CEP126: variants seen among roughly 807,000 people sequenced by gnomAD.
CEP126 encodes the protein centrosomal protein 126, also known as centrosomal protein of 126 kDa.
Under a neutral mutation model 107.8 loss-of-function variants are expected in CEP126, and 74 were observed. The observed-to-expected ratio is 0.69, with a 90% CI of 0.57 to 0.83. The LOEUF (loss-of-function observed/expected upper bound fraction) is 0.83, where lower values mean the gene tolerates loss of function less well. Among genes scored for constraint, CEP126 ranks in the 40% least tolerant of loss-of-function variants. The pLI, the probability that CEP126 is intolerant of heterozygous loss-of-function variation, is 0.00. For missense variants in CEP126, 1,237 were observed against 1,281.9 expected (o/e 0.96, Z 0.53); for synonymous variants, 449 against 446.0 (o/e 1.01, Z -0.08).
chr11:101,956,459 G>C (rs535993778), intron 4 of CEP126: 3 of 456,462 alleles, frequency 6.6e-6, no homozygotes, highest in East Asian at 1.4e-4. Flanking sequence ...AAATCAGCCC[G>C]AGGCCTTTGC....
intron 3 of CEP126, 74 bp from the exon 4 acceptor site, chr11:101,947,957 C>T: frequency 6.9e-6 from 4 of 582,340 alleles, no homozygotes; most frequent in South Asian, 4.5e-5. Context: ...TATCATTAAC[C>T]AATTAAATTA....
intron 1 of CEP126, among the ~76,000 whole-genome samples, chr11:101,921,346 C>T (rs527911897): frequency 3.3e-5 from 5 of 152,170 alleles, no homozygotes; most frequent in African/African-American, 1.2e-4. Flanking sequence ...TAGTAAAATA[C>T]AATCTTCTTA....
At position 101,999,659 on chromosome 11, in the gene CEP126, G is replaced by A. The variant is rs1053712090; in HGVS notation, c.*2016G>A. The A allele has an allele frequency of 1.3e-5, 2 of 152,136 alleles. No individual in the cohort carries two copies. Among genetic ancestry groups the A allele is most frequent in the African/African-American group, 4.8e-5 (2 of 41,434 alleles). 9.4% of individuals were successfully genotyped at this position (152,136 alleles called of 1,614,324 possible). A position where few individuals can be genotyped will look rare whatever the true frequency, so the allele number is the denominator to read the frequency against. On this transcript the variant is annotated 3_prime_UTR_variant, in exon 11 of 11. Coordinates refer to ENST00000263468, the MANE Select transcript of CEP126 (RefSeq NM_020802.4). ...TCCAGAATTTTAGTAGATACAGGGT[G>A]GGTTCATTAAGAGTGATAAAAGTGG...
intron 4 of CEP126, among the ~76,000 whole-genome samples, chr11:101,951,863 A>T (rs1940816828): frequency 6.6e-6 from 1 of 152,214 alleles, no homozygotes. Context: ...TTTGAAAGTT[A>T]TGATTGTATA....
intron 4 of CEP126, among the ~76,000 whole-genome samples, chr11:101,955,234 A>G (rs913413089): frequency 1.3e-5 from 2 of 152,244 alleles, no homozygotes; most frequent in Non-Finnish European, 2.9e-5. Flanking sequence ...TAAAAATATA[A>G]GAAGTAATTA....
In CEP126 at chr11:101,984,895, C is replaced by T. The variant is rs528993377; in HGVS notation, c.3035-1937C>T. The stretch of plus-strand genomic sequence containing the variant: ...CATCTGGTCAAAATGTAACATAATA[C>T]CTAAGATTGGAAGCCTGCCATTGTT... On this transcript the variant is annotated intron_variant, in intron 8 of 10. Transcript: ENST00000263468. Among the ~76,000 whole-genome samples, 3 of 152,250 alleles carry T rather than the reference C, an allele frequency of 2.0e-5. No homozygotes were observed. In the South Asian group the frequency reaches 6.2e-4, roughly 32 times the overall value.
At position 101,962,282 on chromosome 11, in the gene CEP126, A is replaced by C; in HGVS notation, c.1247A>C (p.Lys416Thr). The change falls in exon 6 of 11, where the codon AAA (lysine) becomes ACA (threonine). Residue 416 changes from lysine to threonine, a missense_variant. Transcript: ENST00000263468. ...TTAGTTACTGAGAGCCCAACATTTA[A>C]ATTTAGCAAATCCCAAAGCACTTCA... The part of the protein sequence containing the change: ...RPLVTESPTF[K>T]FSKSQSTSDS... The C allele has an allele frequency of 6.2e-7, 1 of 1,613,712 alleles. No individual in the cohort carries two copies. The highest frequency in any genetic ancestry group is 8.5e-7 in the Non-Finnish European group (1 of 1,179,820).
chr11:101,961,822 G>T lies in CEP126; in HGVS notation c.787G>T (p.Glu263Ter). 6.2e-7 allele frequency: 1 copy of T among 1,610,778 alleles called. No homozygotes were observed. The highest frequency in any genetic ancestry group is 1.1e-5 in the South Asian group (1 of 90,392). Residue 263 changes from glutamate (E) to a stop codon, truncating the protein, a stop_gained, in exon 6 of 11, where the codon GAA (glutamate) becomes TAA (stop). Coordinates refer to ENST00000263468, the MANE Select transcript of CEP126 (RefSeq NM_020802.4). LOFTEE classifies it high-confidence loss of function. ...IDSLEATEHEEIYLTLNKEHS... is the reference protein window; with the variant it reads ...IDSLEATEHE ...CAGTCTTGAGGCTACAGAGCATGAAGAAATATATTTAACACTTAATAAGGA... is the reference window on the plus strand; with the variant it reads ...CAGTCTTGAGGCTACAGAGCATGAATAAATATATTTAACACTTAATAAGGA...
chr11:101,944,091 A>G (rs1437866478), intron 2 of CEP126, among the ~76,000 whole-genome samples, 174 bp from the exon 3 acceptor site: 4 of 152,118 alleles, frequency 2.6e-5, no homozygotes, highest in African/African-American at 9.7e-5. Flanking sequence ...TGAAATTACC[A>G]TTTACAAAGA....
At chr11:101,979,663 A>G (rs564635157) in intron 7 of CEP126, among the ~76,000 whole-genome samples, 35 of 152,340 alleles carry the variant, frequency 2.3e-4, no homozygotes, top group African/African-American at 7.9e-4. Context: ...GCATGAGCCC[A>G]GGAGTTTGAG....
rs1940764291 is a variant in CEP126 at position 101,948,133 on chromosome 11, T to TAAACTGGAGGTAAGTAATTTATGATC, written c.499_506+18dup. ...CTTCCCTTTTCCCGTAGACCAACAA[T>TAAACTGGAGGTAAGTAATTTATGATC]AAACTGGAGGTAAGTAATTTATGAT... On this transcript the variant is annotated stop_gained and frameshift_variant, in exon 4 of 11. Coordinates refer to ENST00000263468, the MANE Select transcript of CEP126 (RefSeq NM_020802.4). LOFTEE classifies it high-confidence loss of function. 1 of 1,575,588 alleles carries TAAACTGGAGGTAAGTAATTTATGATC rather than the reference T, an allele frequency of 6.3e-7. No homozygotes were observed. The highest frequency in any genetic ancestry group is 1.4e-5 in the African/African-American group (1 of 74,050).
intron 1 of CEP126, among the ~76,000 whole-genome samples, chr11:101,920,236 A>C (rs1313803187): frequency 6.6e-6 from 1 of 152,228 alleles, no homozygotes; most frequent in African/African-American, 2.4e-5. Context: ...AAATGTTCAA[A>C]TAAACCTGTT....
chr11:101,956,192 C>T (rs1439861595), intron 4 of CEP126: 4 of 456,338 alleles, frequency 8.8e-6, no homozygotes, highest in African/African-American at 2.0e-5. Context: ...CAGACCCAAA[C>T]ATTTCCTTCC....
chr11:101,995,873 T>C (rs1941435801), intron 10 of CEP126, among the ~76,000 whole-genome samples: 1 of 152,254 alleles, frequency 6.6e-6, no homozygotes, highest in Admixed American at 6.5e-5. Context: ...GTTTATTAAA[T>C]ATTAAGTACC....
intron 2 of CEP126, among the ~76,000 whole-genome samples, chr11:101,943,179 A>T (rs2137095240): frequency 6.6e-6 from 1 of 151,102 alleles, no homozygotes; most frequent in South Asian, 2.1e-4. Flanking sequence ...ACCTGGGGAG[A>T]TTCTTGAAGG....
At chr11:101,986,722 A>T in intron 8 of CEP126, 110 bp from the exon 9 acceptor site, 1 of 681,966 alleles carries the variant, frequency 1.5e-6, no homozygotes. Context: ...TCTGCTTGTA[A>T]TATGAATACA....
intron 10 of CEP126, among the ~76,000 whole-genome samples, chr11:101,994,617 G>T (rs1941421011): frequency 6.6e-6 from 1 of 152,170 alleles, no homozygotes; most frequent in Non-Finnish European, 1.5e-5. Flanking sequence ...ACAATTAATT[G>T]AATGGGGAAT....
intron 4 of CEP126, chr11:101,956,549 A>G (rs1321418415): frequency 2.2e-6 from 1 of 455,894 alleles, no homozygotes; most frequent in South Asian, 1.5e-5. Flanking sequence ...ATCTCCTTCT[A>G]CTTCCACATC....
chr11:101,958,125 CTT>C, intron 4 of CEP126, 41 bp from the exon 5 acceptor site: 2 of 1,548,698 alleles, frequency 1.3e-6, no homozygotes, highest in Non-Finnish European at 1.8e-6. Flanking sequence ...AAGAAGTTAA[CTT>C]TATTTAAATG....
Sources: gnomAD v4.1 joint callset for allele counts (sites outside exome capture counted in the v4.1 genomes callset) on GRCh38, gnomAD v4.1.1 for gene constraint, MANE v1.5 for transcripts, NCBI Gene and HGNC (gene_info 2026-07-23, HGNC 2026-07-21) for gene names.